Variants in ANKAR observed in about 807,000 individuals in gnomAD.
ANKAR encodes ankyrin and armadillo repeat containing, also known as ankyrin and armadillo repeat-containing protein.
Under a neutral mutation model 146.2 loss-of-function variants are expected in ANKAR, and 136 were observed. The observed-to-expected ratio is 0.93, with a 90% CI of 0.81 to 1.07. The LOEUF is 1.07. Ranked by LOEUF, ANKAR falls within the 50% of genes least tolerant of loss-of-function variation. The pLI is 0.00. For synonymous variants in ANKAR, 500 were observed against 575.8 expected (o/e 0.87, Z 1.88); for missense variants, 1,567 against 1,679.9 (o/e 0.93, Z 1.18).
intron 8 of ANKAR, among the ~76,000 whole-genome samples, chr2:189,706,397 C>T (rs181190321): frequency 4.4e-4 from 67 of 151,908 alleles, no homozygotes; most frequent in African/African-American, 1.6e-3. Flanking sequence ...ACAACAACAA[C>T]AACAACAACA....
chr2:189,745,010 T>TACC, intron 22 of ANKAR, among the ~76,000 whole-genome samples: 1 of 97,788 alleles, frequency 1.0e-5, no homozygotes, highest in African/African-American at 3.0e-5. Flanking sequence ...CTACTACTAC[T>TACC]ACTACTACTA....
intron 18 of ANKAR, among the ~76,000 whole-genome samples, chr2:189,751,784 C>G (rs1426326102): frequency 6.6e-6 from 1 of 150,880 alleles, no homozygotes; most frequent in South Asian, 2.1e-4. Context: ...AAACAGTGTT[C>G]AAAATATAAT....
chr2:189,759,539 A>G (rs2046661126), intron 18 of ANKAR, among the ~76,000 whole-genome samples: 2 of 152,134 alleles, frequency 1.3e-5, no homozygotes, highest in African/African-American at 2.4e-5. Context: ...CGTGAGCCAC[A>G]GCGCCCAGCC....
At chr2:189,683,946 C>G (rs1239307975) in intron 2 of ANKAR, among the ~76,000 whole-genome samples, 1 of 152,198 alleles carries the variant, frequency 6.6e-6, no homozygotes, top group African/African-American at 2.4e-5. Flanking sequence ...CAACATCATT[C>G]TTTAAAAACA....
At chr2:189,732,841 G>A (rs7590662) in intron 16 of ANKAR, among the ~76,000 whole-genome samples, 1,634 of 152,060 alleles carry the variant, frequency 0.011, 31 homozygotes, top group African/African-American at 0.038. Context: ...TGCTCTGCTC[G>A]CCCTTGTTCC....
Position 189,689,726 on chromosome 2 carries a change from T to C in ANKAR, c.801T>C (p.Tyr267=). 1 of 1,613,430 alleles carries C rather than the reference T, an allele frequency of 6.2e-7. No homozygotes were observed. The highest frequency in any genetic ancestry group is 8.5e-7 in the Non-Finnish European group (1 of 1,179,514). ...YENVFIFETG[Y]WLTNAIKYNQ... is the part of the protein sequence containing the mutation. Reference sequence around the variant, plus strand: ...ATGTCTTTATATTTGAAACAGGCTATTGGCTTACTAATGCTATAAAATATA... The same window carrying C: ...ATGTCTTTATATTTGAAACAGGCTACTGGCTTACTAATGCTATAAAATATA... The change falls in exon 3 of 23, where the codon TAT becomes TAC. Residue 267 remains tyrosine (Y), a synonymous_variant. Transcript: ENST00000684021.
intron 10 of ANKAR, among the ~76,000 whole-genome samples, chr2:189,713,412 T>C (rs1296092754): frequency 6.6e-6 from 1 of 152,196 alleles, no homozygotes; most frequent in African/African-American, 2.4e-5. Context: ...AGACTAACAG[T>C]GGATCTCTTG....
rs1424987777 is a variant in ANKAR at position 189,688,873 on chromosome 2, C to T, written c.602-654C>T. On this transcript the variant is annotated intron_variant, in intron 2 of 22. Transcript: ENST00000684021. ...ACAGCCTCTGTAAACAGGCCAGAACCACATCGTGGTCAGTAGTCTTATGAG... is the reference window on the plus strand; with the variant it reads ...ACAGCCTCTGTAAACAGGCCAGAACTACATCGTGGTCAGTAGTCTTATGAG... Among the ~76,000 whole-genome samples the T allele has an allele frequency of 2.6e-5, 4 of 152,148 alleles. 1 individual carries two copies. The highest frequency in any genetic ancestry group is 2.4e-5 in the African/African-American group (1 of 41,424).
rs747100277 is a variant in ANKAR at position 189,706,930 on chromosome 2, A to AT, written c.1911-3dup. On this transcript the variant is annotated splice_polypyrimidine_tract_variant and splice_region_variant and intron_variant, in intron 8 of 22. Coordinates refer to ENST00000684021, the MANE Select transcript of ANKAR (RefSeq NM_001378068.1). ...GCGTGTTTAATTGTTATGTTTCTTA[A>AT]TTTTTAGGAATCAGTGCACTCCACT... The AT allele has an allele frequency of 1.9e-6, 3 of 1,593,344 alleles. No homozygotes were observed. The South Asian group carries it at 3.5e-5, about 18-fold the overall frequency.
In ANKAR at chr2:189,737,034, A is replaced by G. The variant is rs143444116; in HGVS notation, c.3424-649A>G. Among the ~76,000 whole-genome samples the G allele has an allele frequency of 2.3e-3, 349 of 151,680 alleles. 2 individuals carry two copies. The highest frequency in any genetic ancestry group is 7.9e-3 in the African/African-American group (326 of 41,410). On this transcript the variant is annotated intron_variant, in intron 17 of 22. Transcript: ENST00000684021. ...AATTGCAGTGAGCCAAGATCACGCC[A>G]CTGCACTCTAGCCTGGGTGACAGAG...
chr2:189,710,835 A>C (rs868355942), intron 9 of ANKAR, among the ~76,000 whole-genome samples: 35 of 152,216 alleles, frequency 2.3e-4, no homozygotes, highest in African/African-American at 8.4e-4. Flanking sequence ...TTCACTAATT[A>C]TATAGACTAT....
Position 189,689,616 on chromosome 2 carries a change from G to T in ANKAR, c.691G>T (p.Glu231Ter). 1 of 1,613,624 alleles carries T rather than the reference G, an allele frequency of 6.2e-7. No homozygotes were observed. Among genetic ancestry groups the T allele is most frequent in the Non-Finnish European group, 8.5e-7 (1 of 1,179,780 alleles). The change falls in exon 3 of 23, where the codon GAA becomes TAA. Residue 231 changes from glutamate (E) to a stop codon, truncating the protein, a stop_gained. Coordinates refer to ENST00000684021, the MANE Select transcript of ANKAR (RefSeq NM_001378068.1). LOFTEE classifies it high-confidence loss of function. ...EDPTYDPNSP[E>*]ETAVFMKYAE... The stretch of plus-strand genomic sequence containing the variant: ...TCCAACATATGATCCCAACAGCCCT[G>T]AAGAAACAGCTGTATTTATGAAATA...
At chr2:189,711,456 A>T (rs868302548) in intron 10 of ANKAR, among the ~76,000 whole-genome samples, 1 of 152,194 alleles carries the variant, frequency 6.6e-6, no homozygotes, top group Non-Finnish European at 1.5e-5. Flanking sequence ...ACTTACTTTC[A>T]TTTAGAAATT....
At position 189,718,215 on chromosome 2, in the gene ANKAR, G is replaced by A. The variant is rs1217137054; in HGVS notation, c.2225-1357G>A. Among the ~76,000 whole-genome samples, 5 of 152,180 alleles carry A rather than the reference G, an allele frequency of 3.3e-5. 1 individual carries two copies. Among genetic ancestry groups the A allele is most frequent in the African/African-American group, 4.8e-5 (2 of 41,436 alleles). On this transcript the variant is annotated intron_variant, in intron 10 of 22. Coordinates refer to ENST00000684021, the MANE Select transcript of ANKAR (RefSeq NM_001378068.1). ...TGCCTGTAATGCCAGCACTTTGGGA[G>A]GCCAAGGCAGGAGGATAGCTTGAGC...
chr2:189,709,413 T>G (rs571995819), intron 9 of ANKAR, among the ~76,000 whole-genome samples: 7 of 152,294 alleles, frequency 4.6e-5, no homozygotes, highest in African/African-American at 1.2e-4. Flanking sequence ...CCAAACCGAT[T>G]GTATATGGAG....
intron 5 of ANKAR, among the ~76,000 whole-genome samples, chr2:189,694,418 A>G (rs1462367822): frequency 1.3e-5 from 2 of 152,152 alleles, no homozygotes; most frequent in African/African-American, 4.8e-5. Flanking sequence ...CTCACCTGTG[A>G]TGATAAGCAA....
chr2:189,744,598 G>A (rs1003582271), intron 21 of ANKAR, 144 bp from the exon 22 acceptor site: 2 of 544,388 alleles, frequency 3.7e-6, no homozygotes, highest in African/African-American at 1.9e-5. Context: ...CAGATAACAT[G>A]CAGAGTTAGT....
At chr2:189,691,256 A>G (rs1198209790) in intron 3 of ANKAR, among the ~76,000 whole-genome samples, 4 of 152,134 alleles carry the variant, frequency 2.6e-5, no homozygotes, top group Admixed American at 2.6e-4. Context: ...AGGTTTCACT[A>G]TGTTGGCCAA....
At chr2:189,750,614 AG>A (rs2045019955), downstream of ANKAR, 7 of 1,592,768 alleles carry the variant, frequency 4.4e-6, no homozygotes, top group Non-Finnish European at 6.0e-6. Context: ...CTTTTATGGA[AG>A]CTTCTCCAAC....
Sources: allele counts gnomAD v4.1 joint callset (sites outside exome capture counted in the v4.1 genomes callset), GRCh38; gene constraint gnomAD v4.1.1; transcripts MANE v1.5; gene names NCBI Gene and HGNC (gene_info 2026-07-23, HGNC 2026-07-21).